The following DLGAP2 variants were observed in gnomAD, a reference collection of about 807,000 sequenced individuals.
DLGAP2 encodes disks large-associated protein 2.
Under a neutral mutation model 100.3 loss-of-function variants are expected in DLGAP2, and 26 were observed. That is an observed-to-expected ratio of 0.26 (90% CI 0.19 to 0.36). DLGAP2 has a LOEUF of 0.36. Among genes scored for constraint, DLGAP2 ranks in the 10% least tolerant of loss-of-function variants. The pLI, the probability that DLGAP2 is intolerant of heterozygous loss-of-function variation, is 1.00. For synonymous variants in DLGAP2, 886 were observed against 630.1 expected (o/e 1.41, Z -6.08); for missense variants, 1,858 against 1,453.2 (o/e 1.28, Z -4.53).
intron 2 of DLGAP2, among the ~76,000 whole-genome samples, chr8:994,528 G>A (rs1800732216): frequency 6.6e-6 from 1 of 152,138 alleles, no homozygotes; most frequent in South Asian, 2.1e-4. Flanking sequence ...GTTGTCTCTG[G>A]GAGTTTTCCA....
At chr8:757,108 A>C (rs1585829972) in intron 1 of DLGAP2, among the ~76,000 whole-genome samples, 2 of 151,532 alleles carry the variant, frequency 1.3e-5, no homozygotes, top group Non-Finnish European at 2.9e-5. Context: ...CTCGTCATCA[A>C]CCCCCACCTC....
intron 2 of DLGAP2, among the ~76,000 whole-genome samples, chr8:1,069,581 G>A (rs2701899): frequency 0.32 from 48,107 of 152,058 alleles, 8,378 homozygotes; most frequent in East Asian, 0.45. Context: ...TCCCTTCACC[G>A]TGGAAATTAT....
At chr8:1,581,283 C>G (rs1461288898) in intron 6 of DLGAP2, among the ~76,000 whole-genome samples, 2 of 149,944 alleles carry the variant, frequency 1.3e-5, no homozygotes, top group Non-Finnish European at 1.5e-5. Context: ...GAGAAGGATA[C>G]AGACAAAACC....
At chr8:833,539 A>C (rs1243786342) in intron 1 of DLGAP2, among the ~76,000 whole-genome samples, 1 of 152,094 alleles carries the variant, frequency 6.6e-6, no homozygotes, top group South Asian at 2.1e-4. Flanking sequence ...CTGATGCTGC[A>C]TCTCTGGCTC....
intron 2 of DLGAP2, among the ~76,000 whole-genome samples, chr8:1,176,144 C>G (rs1380399039): frequency 6.6e-6 from 1 of 152,148 alleles, no homozygotes; most frequent in Non-Finnish European, 1.5e-5. Context: ...CCTCAGGAAA[C>G]TTACAATTGT....
In DLGAP2 at chr8:1,538,010, G is replaced by A. The variant is rs1584903887; in HGVS notation, c.173-10616G>A. Reference sequence around the variant, plus strand: ...GGGGGAACAGAGAGCTGCTGTCCATGGTAAGGGCAGCTGTAGCCTCATGCA... The same window carrying A: ...GGGGGAACAGAGAGCTGCTGTCCATAGTAAGGGCAGCTGTAGCCTCATGCA... On this transcript the variant is annotated intron_variant, in intron 4 of 14. Transcript: ENST00000637795. 2.0e-5 allele frequency among the ~76,000 whole-genome samples: 3 copies of A among 152,142 alleles called. No individual in the cohort carries two copies. The East Asian group carries it at 5.8e-4, about 29-fold the overall frequency.
intron 3 of DLGAP2, among the ~76,000 whole-genome samples, chr8:1,305,423 C>A (rs1043112644): frequency 6.6e-6 from 1 of 152,178 alleles, no homozygotes; most frequent in East Asian, 1.9e-4. Flanking sequence ...TTAGTCCTTA[C>A]AGTTTTCATG....
intron 3 of DLGAP2, among the ~76,000 whole-genome samples, chr8:1,337,932 G>A (rs1801326376): frequency 6.6e-6 from 1 of 152,192 alleles, no homozygotes; most frequent in Non-Finnish European, 1.5e-5. Flanking sequence ...ACTAAGTACA[G>A]GGAAGCTCAA....
chr8:1,174,461 G>GTCATCATTACCATTACCA, intron 2 of DLGAP2, among the ~76,000 whole-genome samples: 1 of 140,860 alleles, frequency 7.1e-6, no homozygotes, highest in African/African-American at 2.8e-5. Context: ...AATCATTATC[G>GTCATCATTACCATTACCA]TCATCATTAC....
chr8:1,503,680 A>C (rs1375390971), intron 4 of DLGAP2, among the ~76,000 whole-genome samples: 1 of 152,122 alleles, frequency 6.6e-6, no homozygotes, highest in Non-Finnish European at 1.5e-5. Flanking sequence ...CCTCGTTTTG[A>C]GGAACCTCCA....
At chr8:842,752 T>A (rs368991742) in intron 1 of DLGAP2, among the ~76,000 whole-genome samples, 22 of 152,216 alleles carry the variant, frequency 1.4e-4, no homozygotes, top group African/African-American at 4.3e-4. Flanking sequence ...TTTTCAACCT[T>A]ATATTTTTCT....
At chr8:931,945 G>A (rs1269853247) in intron 2 of DLGAP2, among the ~76,000 whole-genome samples, 1 of 152,194 alleles carries the variant, frequency 6.6e-6, no homozygotes, top group Non-Finnish European at 1.5e-5. Context: ...GGTCCCCATG[G>A]CTGGAAGGAA....
chr8:1,573,144 T>C (rs1308039989), intron 6 of DLGAP2, among the ~76,000 whole-genome samples: 1 of 64,704 alleles, frequency 1.5e-5, no homozygotes, highest in African/African-American at 6.8e-5. Context: ...AGAGGAGAGA[T>C]GGTGAACTGG....
intron 1 of DLGAP2, among the ~76,000 whole-genome samples, chr8:799,882 C>T (rs778616235): frequency 6.6e-6 from 1 of 152,188 alleles, no homozygotes; most frequent in African/African-American, 2.4e-5. Context: ...TAGGTGAGAG[C>T]CACAGCTCCC....
chr8:1,496,147 A>C (rs1563182971), intron 3 of DLGAP2, among the ~76,000 whole-genome samples: 1 of 152,058 alleles, frequency 6.6e-6, no homozygotes, highest in Non-Finnish European at 1.5e-5. Context: ...TCCATCGGTC[A>C]CTCACCTGCC....
chr8:1,579,801 G>A (rs1235263856), intron 6 of DLGAP2, among the ~76,000 whole-genome samples: 4 of 152,162 alleles, frequency 2.6e-5, no homozygotes, highest in Non-Finnish European at 5.9e-5. Context: ...TGCGTGACAC[G>A]GTACATTGCC....
intron 1 of DLGAP2, among the ~76,000 whole-genome samples, chr8:890,948 GGCTCCCCCTTGTCCTCACT>G (rs934673891): frequency 5.9e-5 from 9 of 152,212 alleles, no homozygotes; most frequent in African/African-American, 1.9e-4. Context: ...GCCCCTTACT[GGCTCCCCCTTGTCCTCACT>G]GCCCCCAGGA....
At chr8:1,344,705 C>G (rs904009573) in intron 3 of DLGAP2, among the ~76,000 whole-genome samples, 1 of 152,214 alleles carries the variant, frequency 6.6e-6, no homozygotes, top group African/African-American at 2.4e-5. Flanking sequence ...TAACCCCACA[C>G]TGGTCTATCC....
intron 2 of DLGAP2, among the ~76,000 whole-genome samples, chr8:930,304 G>A (rs907087578): frequency 7.2e-5 from 11 of 152,172 alleles, no homozygotes; most frequent in East Asian, 1.9e-4. Context: ...CTGCTCTGCC[G>A]GCCACCAGCG....
Sources: gnomAD v4.1 joint callset for allele counts (sites outside exome capture counted in the v4.1 genomes callset) on GRCh38, gnomAD v4.1.1 for gene constraint, MANE v1.5 for transcripts, NCBI Gene and HGNC (gene_info 2026-07-23, HGNC 2026-07-21) for gene names.